The following NKAPL variants were observed in gnomAD, a reference collection of about 807,000 sequenced individuals.
NKAPL encodes the protein NKAP-like protein.
A neutral mutation model predicts 14.7 loss-of-function variants in NKAPL; 7 were observed. That is an observed-to-expected ratio of 0.48 (90% CI 0.27 to 0.89). The LOEUF (loss-of-function observed/expected upper bound fraction) is 0.89, where lower values mean the gene tolerates loss of function less well. Among genes scored for constraint, NKAPL ranks in the 40% least tolerant of loss-of-function variants. NKAPL has a pLI of 0.12. For missense variants in NKAPL, 466 were observed against 494.1 expected (o/e 0.94, Z 0.54); for synonymous variants, 192 against 179.9 (o/e 1.07, Z -0.54).
At position 28,260,678 on chromosome 6, in the gene NKAPL, G is replaced by A; in HGVS notation, c.*98G>A. On this transcript the variant is annotated 3_prime_UTR_variant, in exon 1 of 1. Transcript: ENST00000343684. ...CAGTGCTACTGTACTTACCATATTA[G>A]TAAGTCCCTCAGGAAAAAGCTTCTT... The A allele has an allele frequency of 6.9e-7, 1 of 1,441,692 alleles. No individual in the cohort carries two copies. Among genetic ancestry groups the A allele is most frequent in the Non-Finnish European group, 9.2e-7 (1 of 1,085,304 alleles). 89.3% of individuals were successfully genotyped at this position (1,441,692 alleles called of 1,614,324 possible).
Position 28,259,314 on chromosome 6 carries a change from GC to G in NKAPL, c.-57del. The G allele has an allele frequency of 6.9e-7, 1 of 1,447,538 alleles. No homozygotes were observed. Among genetic ancestry groups the G allele is most frequent in the Non-Finnish European group, 9.3e-7 (1 of 1,080,918 alleles). 89.7% of individuals were successfully genotyped at this position (1,447,538 alleles called of 1,614,324 possible). A position where few individuals can be genotyped will look rare whatever the true frequency, so the allele number is the denominator to read the frequency against. ...CCGATTCTAGTGCGCCTGCGTGGCC[GC>G]GAATCACCAGCCAGCCTCTGGGTCT... On this transcript the variant is annotated 5_prime_UTR_variant, in exon 1 of 1. Transcript: ENST00000343684.
Position 28,260,443 on chromosome 6 carries a change from A to G in NKAPL, c.1072A>G (p.Asn358Asp), listed in dbSNP as rs746783018. 1 of 1,614,170 alleles carries G rather than the reference A, an allele frequency of 6.2e-7. No individual in the cohort carries two copies. The highest frequency in any genetic ancestry group is 1.3e-5 in the African/African-American group (1 of 75,066). The change falls in exon 1 of 1, where the codon AAC becomes GAC. Residue 358 changes from asparagine (N) to aspartate (D), a missense_variant. Coordinates refer to ENST00000343684, the MANE Select transcript of NKAPL (RefSeq NM_001007531.3). ...RMEAVRLRKENQIYSADEKRA... is the reference protein window; with the variant it reads ...RMEAVRLRKEDQIYSADEKRA... Reference sequence around the variant, plus strand: ...GGAGGCTGTACGACTGCGTAAGGAGAACCAGATCTACAGTGCTGATGAGAA... The same window carrying G: ...GGAGGCTGTACGACTGCGTAAGGAGGACCAGATCTACAGTGCTGATGAGAA...
In NKAPL at chr6:28,259,587, A is replaced by C; in HGVS notation, c.216A>C (p.Arg72=). 6.2e-7 allele frequency: 1 copy of C among 1,614,104 alleles called. No individual in the cohort carries two copies. Among genetic ancestry groups the C allele is most frequent in the African/African-American group, 1.3e-5 (1 of 75,070 alleles). ...ALYPFSRSGS[R]GRLPRFRNYA... ...ACCCCTTTAGTCGCTCTGGGTCGCG[A>C]GGGCGGCTCCCAAGATTCCGCAACT... The change falls in exon 1 of 1, where the codon CGA becomes CGC. Residue 72 remains arginine, a synonymous_variant. Transcript: ENST00000343684.
chr6:28,260,872 T>C lies in NKAPL; in HGVS notation c.*292T>C. The C allele has an allele frequency of 3.5e-6, 1 of 282,252 alleles. No homozygotes were observed. Among genetic ancestry groups the C allele is most frequent in the Non-Finnish European group, 7.1e-6 (1 of 141,218 alleles). The allele number at this position is 282,252 out of a possible 1,614,324, so 17.5% of individuals were successfully genotyped here. The stretch of plus-strand genomic sequence containing the variant: ...CAAAAATATATATTTTGGTGTCTTA[T>C]ATACAGAATATACATTCTGTGCATA... On this transcript the variant is annotated 3_prime_UTR_variant, in exon 1 of 1. Coordinates refer to ENST00000343684, the MANE Select transcript of NKAPL (RefSeq NM_001007531.3).
chr6:28,259,313 C>T lies in NKAPL; in HGVS notation c.-59C>T, dbSNP rs2113699927. The T allele has an allele frequency of 7.6e-6, 11 of 1,440,004 alleles. No individual in the cohort carries two copies. Among genetic ancestry groups the T allele is most frequent in the South Asian group, 1.5e-5 (1 of 67,370 alleles). 89.2% of individuals were successfully genotyped at this position (1,440,004 alleles called of 1,614,324 possible). On this transcript the variant is annotated 5_prime_UTR_variant, in exon 1 of 1. Coordinates refer to ENST00000343684, the MANE Select transcript of NKAPL (RefSeq NM_001007531.3). ...GCCGATTCTAGTGCGCCTGCGTGGC[C>T]GCGAATCACCAGCCAGCCTCTGGGT...
In NKAPL at chr6:28,259,981, A is replaced by G; in HGVS notation, c.610A>G (p.Ser204Gly). ...AAGAAAGCATAGGAAATATTCTGAT[A>G]GTGACAGTAACTCAGAGTCTGACAC... ...SKRKHRKYSD[S>G]DSNSESDTNS... is the part of the protein sequence containing the mutation. The change falls in exon 1 of 1, where the codon AGT becomes GGT. Residue 204 changes from serine (S) to glycine (G), a missense_variant. By Grantham distance (56) the Ser-to-Gly change is moderately conservative. Transcript: ENST00000343684. 6.2e-7 allele frequency: 1 copy of G among 1,607,730 alleles called. No homozygotes were observed. Among genetic ancestry groups the G allele is most frequent in the South Asian group, 1.1e-5 (1 of 89,068 alleles).
Position 28,259,981 on chromosome 6 carries a change from A to AG in NKAPL, c.611dup (p.Ser204ArgfsTer2). 6.2e-7 allele frequency: 1 copy of AG among 1,607,730 alleles called. No homozygotes were observed. The highest frequency in any genetic ancestry group is 8.5e-7 in the Non-Finnish European group (1 of 1,178,442). ...AAGAAAGCATAGGAAATATTCTGAT[A>AG]GTGACAGTAACTCAGAGTCTGACAC... On this transcript the variant is annotated frameshift_variant, in exon 1 of 1. Coordinates refer to ENST00000343684, the MANE Select transcript of NKAPL (RefSeq NM_001007531.3). LOFTEE classifies it low-confidence loss of function (END_TRUNC).
chr6:28,259,476 C>T lies in NKAPL; in HGVS notation c.105C>T (p.Ser35=). 1 of 1,614,140 alleles carries T rather than the reference C, an allele frequency of 6.2e-7. No homozygotes were observed. Among genetic ancestry groups the T allele is most frequent in the Middle Eastern group, 1.6e-4 (1 of 6,062 alleles). ...GSPPSPQSRC[S]SWDGCSRSHS... ...CACCATCCCCGCAGAGCAGATGTTCCTCTTGGGATGGCTGTTCCCGCTCTC... is the reference window on the plus strand; with the variant it reads ...CACCATCCCCGCAGAGCAGATGTTCTTCTTGGGATGGCTGTTCCCGCTCTC... The change falls in exon 1 of 1, where the codon TCC becomes TCT. Residue 35 remains serine (S), a synonymous_variant. Transcript: ENST00000343684.
In NKAPL at chr6:28,260,497, G is replaced by A. The variant is rs1761323272; in HGVS notation, c.1126G>A (p.Glu376Lys). 3.7e-6 allele frequency: 6 copies of A among 1,614,118 alleles called. No homozygotes were observed. Among genetic ancestry groups the A allele is most frequent in the South Asian group, 1.1e-5 (1 of 91,082 alleles). ...AGCTCTTGCATCCTTTAACCAAGAAGAGAGACGAAAGAGAGAAAGTAAGAT... is the reference window on the plus strand; with the variant it reads ...AGCTCTTGCATCCTTTAACCAAGAAAAGAGACGAAAGAGAGAAAGTAAGAT... ...KRALASFNQE[E>K]RRKRESKILA... The change falls in exon 1 of 1, where the codon GAG becomes AAG. Residue 376 changes from glutamate to lysine, a missense_variant. Coordinates refer to ENST00000343684, the MANE Select transcript of NKAPL (RefSeq NM_001007531.3).
At position 28,259,397 on chromosome 6, in the gene NKAPL, A is replaced by G. The variant is rs766531642; in HGVS notation, c.26A>G (p.Tyr9Cys). 1.7e-5 allele frequency: 27 copies of G among 1,599,586 alleles called. No individual in the cohort carries two copies. The South Asian group carries it at 2.9e-4, about 17-fold the overall frequency. ...ATGCCCCCAGTATCCCGGTCCAGCT[A>G]TTCCGAGGACATCGTGGGCTCTCGG... Reference protein sequence around the residue: MPPVSRSSYSEDIVGSRRR... With the variant: MPPVSRSSCSEDIVGSRRR... The change falls in exon 1 of 1, where the codon TAT becomes TGT. Residue 9 changes from tyrosine (Y) to cysteine (C), a missense_variant. Physicochemically the swap from Tyr to Cys is radical, Grantham distance 194. Coordinates refer to ENST00000343684, the MANE Select transcript of NKAPL (RefSeq NM_001007531.3).
rs745413784 is a variant in NKAPL, at chr6:28,259,323, C to G, written c.-49C>G. 1.1e-5 allele frequency: 16 copies of G among 1,473,736 alleles called. No individual in the cohort carries two copies. The highest frequency in any genetic ancestry group is 1.5e-5 in the Non-Finnish European group (16 of 1,102,764). 91.3% of individuals were successfully genotyped at this position (1,473,736 alleles called of 1,614,324 possible). ...GTGCGCCTGCGTGGCCGCGAATCAC[C>G]AGCCAGCCTCTGGGTCTGTAGCAAC... On this transcript the variant is annotated 5_prime_UTR_variant, in exon 1 of 1. Transcript: ENST00000343684.
Position 28,260,280 on chromosome 6 carries a change from T to C in NKAPL, c.909T>C (p.Gly303=). Residue 303 remains glycine, a synonymous_variant, in exon 1 of 1, where the codon GGT becomes GGC. Transcript: ENST00000343684. ...AGTATGGCCATGCTTTGCTTCCCGG[T>C]GAAGGTGCAGCTATGGCTGAGTATG... ...PLKYGHALLP[G]EGAAMAEYVK... is the part of the protein sequence containing the mutation. The C allele has an allele frequency of 6.2e-7, 1 of 1,613,968 alleles. No homozygotes were observed. Among genetic ancestry groups the C allele is most frequent in the East Asian group, 2.2e-5 (1 of 44,876 alleles).
Position 28,259,367 on chromosome 6 carries a change from G to C in NKAPL, c.-5G>C, listed in dbSNP as rs41269289. ...TAGCAACCGCCCAGCGTTGAGGCGCGGCTCATGCCCCCAGTATCCCGGTCC... is the reference window on the plus strand; with the variant it reads ...TAGCAACCGCCCAGCGTTGAGGCGCCGCTCATGCCCCCAGTATCCCGGTCC... On this transcript the variant is annotated 5_prime_UTR_variant, in exon 1 of 1. Transcript: ENST00000343684. 0.059 allele frequency: 92,470 copies of C among 1,560,156 alleles called. 3,358 individuals are homozygous for C. Among genetic ancestry groups the C allele is most frequent in the Non-Finnish European group, 0.068 (77,894 of 1,147,956 alleles).
rs767988218 is a variant in NKAPL at position 28,259,592 on chromosome 6, G to A, written c.221G>A (p.Arg74Gln). 8.7e-6 allele frequency: 14 copies of A among 1,614,010 alleles called. No individual in the cohort carries two copies. In the African/African-American group the frequency reaches 1.5e-4, roughly 17 times the overall value. ...TTTAGTCGCTCTGGGTCGCGAGGGCGGCTCCCAAGATTCCGCAACTACGCC... is the reference window on the plus strand; with the variant it reads ...TTTAGTCGCTCTGGGTCGCGAGGGCAGCTCCCAAGATTCCGCAACTACGCC... ...YPFSRSGSRG[R>Q]LPRFRNYAFA... The change falls in exon 1 of 1, where the codon CGG becomes CAG. Residue 74 changes from arginine (R) to glutamine (Q), a missense_variant. Arg to Gln is a conservative substitution (Grantham distance 43). Coordinates refer to ENST00000343684, the MANE Select transcript of NKAPL (RefSeq NM_001007531.3).
In NKAPL at chr6:28,259,922, GA is replaced by G. The variant is rs749252487; in HGVS notation, c.554del (p.Asn185ThrfsTer93). 69 of 1,606,104 alleles carry G rather than the reference GA, an allele frequency of 4.3e-5. No individual in the cohort carries two copies. Among genetic ancestry groups the G allele is most frequent in the Non-Finnish European group, 1.0e-5 (12 of 1,178,114 alleles). ...EHRKKKTSRS[R>X]NKKKRKNKSS... ...AGGAAAAAGAAGACCAGTCGTTCAAGAAACAAGAAAAAAAGAAAGAATAAGT... is the reference window on the plus strand; with the variant it reads ...AGGAAAAAGAAGACCAGTCGTTCAAGAACAAGAAAAAAAGAAAGAATAAGT... On this transcript the variant is annotated frameshift_variant, in exon 1 of 1. Coordinates refer to ENST00000343684, the MANE Select transcript of NKAPL (RefSeq NM_001007531.3). LOFTEE classifies it low-confidence loss of function (END_TRUNC).
Position 28,259,455 on chromosome 6 carries a change from A to G in NKAPL, c.84A>G (p.Pro28=). 6.2e-7 allele frequency: 1 copy of G among 1,613,386 alleles called. No homozygotes were observed. Among genetic ancestry groups the G allele is most frequent in the South Asian group, 1.1e-5 (1 of 91,072 alleles). Residue 28 remains proline, a synonymous_variant, in exon 1 of 1, where the codon CCA becomes CCG. Coordinates refer to ENST00000343684, the MANE Select transcript of NKAPL (RefSeq NM_001007531.3). ...RRRRSSSGSP[P]SPQSRCSSWD... is the part of the protein sequence containing the mutation. ...GACGCAGCTCCTCGGGGAGCCCACCATCCCCGCAGAGCAGATGTTCCTCTT... is the reference window on the plus strand; with the variant it reads ...GACGCAGCTCCTCGGGGAGCCCACCGTCCCCGCAGAGCAGATGTTCCTCTT...
Position 28,260,689 on chromosome 6 carries a change from A to T in NKAPL, c.*109A>T. On this transcript the variant is annotated 3_prime_UTR_variant, in exon 1 of 1. Transcript: ENST00000343684. The stretch of plus-strand genomic sequence containing the variant: ...TACTTACCATATTAGTAAGTCCCTC[A>T]GGAAAAAGCTTCTTTTGAGATATCT... 1 of 1,368,530 alleles carries T rather than the reference A, an allele frequency of 7.3e-7. No individual in the cohort carries two copies. The allele number at this position is 1,368,530 out of a possible 1,614,324, so 84.8% of individuals were successfully genotyped here.
chr6:28,259,730 G>A lies in NKAPL; in HGVS notation c.359G>A (p.Arg120Lys). Reference sequence around the variant, plus strand: ...GAGAAGGAAGAGAGCCATCGGCAGAGGAGGCTGAAGGAGAGAGAGAGGATT... The same window carrying A: ...GAGAAGGAAGAGAGCCATCGGCAGAAGAGGCTGAAGGAGAGAGAGAGGATT... ...DYEKEESHRQ[R>K]RLKERERIGE... is the part of the protein sequence containing the mutation. Residue 120 changes from arginine (R) to lysine (K), a missense_variant, in exon 1 of 1, where the codon AGG becomes AAG. By Grantham distance (26) the Arg-to-Lys change is conservative (BLOSUM62 2). Transcript: ENST00000343684. 1 of 1,614,252 alleles carries A rather than the reference G, an allele frequency of 6.2e-7. No homozygotes were observed. Among genetic ancestry groups the A allele is most frequent in the East Asian group, 2.2e-5 (1 of 44,878 alleles).
In NKAPL at chr6:28,259,931, A is replaced by T; in HGVS notation, c.560A>T (p.Lys187Ile). ...KKKTSRSRNK[K>I]KRKNKSSKRK... ...AAGACCAGTCGTTCAAGAAACAAGA[A>T]AAAAAGAAAGAATAAGTCGTCTAAA... Residue 187 changes from lysine (K) to isoleucine (I), a missense_variant, in exon 1 of 1, where the codon AAA becomes ATA. Coordinates refer to ENST00000343684, the MANE Select transcript of NKAPL (RefSeq NM_001007531.3). 1 of 1,609,924 alleles carries T rather than the reference A, an allele frequency of 6.2e-7. No homozygotes were observed. Among genetic ancestry groups the T allele is most frequent in the South Asian group, 1.1e-5 (1 of 90,028 alleles).
Sources: gnomAD v4.1 joint callset for allele counts on GRCh38, gnomAD v4.1.1 for gene constraint, MANE v1.5 for transcripts, NCBI Gene and HGNC (gene_info 2026-07-23, HGNC 2026-07-21) for gene names.